The following HIPK2 variants were observed in gnomAD, a reference collection of about 807,000 sequenced individuals.
HIPK2 encodes the protein homeodomain interacting protein kinase 2.
Under a neutral mutation model 113.7 loss-of-function variants are expected in HIPK2, and 27 were observed. That is an observed-to-expected ratio of 0.24 (90% confidence interval 0.17 to 0.33). The LOEUF (loss-of-function observed/expected upper bound fraction) is 0.33, where lower values mean the gene tolerates loss of function less well. Ranked by LOEUF, HIPK2 falls within the 10% of genes least tolerant of loss-of-function variation. HIPK2 has a pLI of 1.00. For missense variants in HIPK2, 1,257 were observed against 1,588.0 expected, an observed-to-expected ratio of 0.79 and a Z score of 3.54; for synonymous variants, 631 against 642.2, an observed-to-expected ratio of 0.98 and a Z score of 0.26.
intron 1 of HIPK2, among the ~76,000 whole-genome samples, chr7:139,770,802 G>A (rs2117174532): frequency 6.6e-6 from 1 of 152,266 alleles, no homozygotes; most frequent in South Asian, 2.1e-4. Flanking sequence ...AACCTACTAA[G>A]GCAAAAGTAC....
chr7:139,576,886 A>G (rs904244544), intron 13 of HIPK2, among the ~76,000 whole-genome samples: 10 of 152,156 alleles, frequency 6.6e-5, no homozygotes, highest in African/African-American at 2.2e-4. Context: ...CAGCTTGGGG[A>G]GTTCTGCAGA....
chr7:139,613,423 C>T lies in HIPK2; in HGVS notation c.1991-100G>A. On this transcript the variant is annotated intron_variant, in intron 8 of 14. Coordinates refer to ENST00000406875, the MANE Select transcript of HIPK2 (RefSeq NM_022740.5). This position sits in a 1 kb window ranked among gnomAD's most constrained non-coding sequence, Gnocchi z 4.2. ...GGCAGTTATGTCAACTTTCTGCTTC[C>T]CTTTGCACTGGTCACTGACAACAAC... 7.1e-7 allele frequency: 1 copy of T among 1,405,640 alleles called. No individual in the cohort carries two copies. Among genetic ancestry groups the T allele is most frequent in the Non-Finnish European group, 9.7e-7 (1 of 1,029,274 alleles). The allele number at this position is 1,405,640 out of a possible 1,614,324, so 87.1% of individuals were successfully genotyped here.
chr7:139,631,624 G>A lies in HIPK2; in HGVS notation c.1205C>T (p.Pro402Leu). ...CACCTGATCATACTCCGAAGCTCCT[G>A]GATATAACGGCCAACCCAGGAACAA... ...AELFLGWPLY[P>L]GASEYDQIRY... Residue 402 changes from proline to leucine, a missense_variant, in exon 3 of 15, where the codon CCA (proline) becomes CTA (leucine). Physicochemically the swap from Pro to Leu is moderately conservative, Grantham distance 98. This residue lies in a region of HIPK2 where 84 missense variants were observed against 182.2 expected (regional missense o/e 0.46). Coordinates refer to ENST00000406875, the MANE Select transcript of HIPK2 (RefSeq NM_022740.5). The surrounding 1 kb of genome is among the most constrained non-coding windows in gnomAD (Gnocchi z 4.9). 1 of 1,613,952 alleles carries A rather than the reference G, an allele frequency of 6.2e-7. No homozygotes were observed.
intron 2 of HIPK2, among the ~76,000 whole-genome samples, chr7:139,649,892 G>T (rs577679318): frequency 6.6e-6 from 1 of 152,298 alleles, no homozygotes; most frequent in Admixed American, 6.5e-5. Context: ...GCAGACAGGG[G>T]TAAGCAGCAA....
intron 2 of HIPK2, among the ~76,000 whole-genome samples, chr7:139,643,031 T>C (rs1801082680): frequency 6.6e-6 from 1 of 152,206 alleles, no homozygotes; most frequent in Non-Finnish European, 1.5e-5. Flanking sequence ...AGAACCACTG[T>C]TGCAGAGATT....
At chr7:139,653,430 A>G (rs1166317577) in intron 2 of HIPK2, among the ~76,000 whole-genome samples, 1 of 150,702 alleles carries the variant, frequency 6.6e-6, no homozygotes, top group Non-Finnish European at 1.5e-5. Flanking sequence ...GGATTTAGAG[A>G]TCTTATGGGA....
At chr7:139,694,619 T>C (rs1250745093) in intron 2 of HIPK2, among the ~76,000 whole-genome samples, 3 of 152,144 alleles carry the variant, frequency 2.0e-5, no homozygotes, top group African/African-American at 7.2e-5. Flanking sequence ...CACCATTCCC[T>C]GGTGGCCTGA....
At chr7:139,725,611 G>A (rs1392977841) in intron 1 of HIPK2, among the ~76,000 whole-genome samples, 3 of 152,206 alleles carry the variant, frequency 2.0e-5, no homozygotes, top group Admixed American at 6.5e-5. Flanking sequence ...TCAGAGAGCT[G>A]GGGGGAAGCC....
At chr7:139,603,216 G>A (rs567291195) in intron 10 of HIPK2, among the ~76,000 whole-genome samples, 13 of 152,136 alleles carry the variant, frequency 8.5e-5, no homozygotes, top group Non-Finnish European at 1.9e-4. Context: ...GTGTGATATG[G>A]AGGCTGTCAG....
intron 1 of HIPK2, among the ~76,000 whole-genome samples, chr7:139,770,741 G>T (rs1796636438): frequency 6.6e-6 from 1 of 152,166 alleles, no homozygotes; most frequent in African/African-American, 2.4e-5. Context: ...ACATGCAGAA[G>T]AATTGATCAA....
rs142469698 is a variant in HIPK2 at position 139,708,330 on chromosome 7, G to A, written c.1103+7602C>T. Among the ~76,000 whole-genome samples the A allele has an allele frequency of 2.3e-3, 349 of 152,296 alleles. 2 individuals carry two copies. The highest frequency in any genetic ancestry group is 8.1e-3 in the African/African-American group (337 of 41,552). On this transcript the variant is annotated intron_variant, in intron 2 of 14. Transcript: ENST00000406875. The stretch of plus-strand genomic sequence containing the variant: ...GAACCCATCAAGTCATGGATATTAA[G>A]TATGTACAGCTTTCTGTAAGTAAAT...
intron 13 of HIPK2, among the ~76,000 whole-genome samples, chr7:139,579,464 A>G (rs1798596131): frequency 6.6e-6 from 1 of 152,180 alleles, no homozygotes; most frequent in Non-Finnish European, 1.5e-5. Flanking sequence ...CATGCATGGA[A>G]ACGACCAGGC....
In HIPK2 at chr7:139,638,656, CTTTTTTTT is replaced by C. The variant is rs1184555180; in HGVS notation, c.1104-6939_1104-6932del. Among the ~76,000 whole-genome samples the C allele has an allele frequency of 1.2e-4, 16 of 130,260 alleles. No homozygotes were observed. The South Asian group carries it at 1.6e-3, about 13-fold the overall frequency. The allele number at this position is 130,260 out of a possible 152,430, so 85.5% of individuals were successfully genotyped here. On this transcript the variant is annotated intron_variant, in intron 2 of 14. Transcript: ENST00000406875. ...CTGGAGAAAGAGAGTAAATAATTGT[CTTTTTTTT>C]TTTTTTTTTTTGAGACAGAGTCTCA...
chr7:139,747,409 G>C (rs1796207413), intron 1 of HIPK2, among the ~76,000 whole-genome samples: 1 of 152,176 alleles, frequency 6.6e-6, no homozygotes, highest in Non-Finnish European at 1.5e-5. Flanking sequence ...GGTACATCAA[G>C]GGCCGGCACT....
intron 7 of HIPK2, among the ~76,000 whole-genome samples, chr7:139,619,726 T>C (rs1800171523): frequency 1.3e-5 from 2 of 152,292 alleles, no homozygotes. Context: ...TTCTAGAATC[T>C]TTATTTTTTT....
intron 9 of HIPK2, among the ~76,000 whole-genome samples, chr7:139,606,554 A>G (rs1799622648): frequency 6.6e-6 from 1 of 152,250 alleles, no homozygotes; most frequent in African/African-American, 2.4e-5. Context: ...AAGTGAATTA[A>G]CAGACTGAAG....
chr7:139,574,481 C>T lies in HIPK2; in HGVS notation c.3126+647G>A, dbSNP rs535544623. Among the ~76,000 whole-genome samples, 20 of 152,360 alleles carry T rather than the reference C, an allele frequency of 1.3e-4. No homozygotes were observed. In the South Asian group the frequency reaches 3.3e-3, roughly 25 times the overall value. ...GAACCTAAGTCACGTGACAGAGACA[C>T]GGGCTCCACTGATGACCTGGGGCAG... On this transcript the variant is annotated intron_variant, in intron 14 of 14. Coordinates refer to ENST00000406875, the MANE Select transcript of HIPK2 (RefSeq NM_022740.5).
At chr7:139,618,238 A>G (rs961132891) in intron 7 of HIPK2, among the ~76,000 whole-genome samples, 2 of 152,206 alleles carry the variant, frequency 1.3e-5, no homozygotes, top group Non-Finnish European at 2.9e-5. Flanking sequence ...GCACATAATA[A>G]GTGTTAGCTA....
chr7:139,736,784 C>T (rs1376890897), intron 1 of HIPK2, among the ~76,000 whole-genome samples: 1 of 152,218 alleles, frequency 6.6e-6, no homozygotes, highest in Non-Finnish European at 1.5e-5. Context: ...ACTAGGGTGC[C>T]TCATGTTACG....
Sources: gnomAD v4.1 joint callset for allele counts (sites outside exome capture counted in the v4.1 genomes callset) on GRCh38, gnomAD v4.1.1 for gene constraint, gnomAD v4.1.1 regional missense constraint, Gnocchi (gnomAD v3.1) non-coding constraint, MANE v1.5 for transcripts, NCBI Gene and HGNC (gene_info 2026-07-23, HGNC 2026-07-21) for gene names.